AGBL1: variants seen among roughly 807,000 people sequenced by gnomAD.
The protein encoded by AGBL1 is AGBL carboxypeptidase 1, also known as cytosolic carboxypeptidase 4.
Under a neutral mutation model 118.9 loss-of-function variants are expected in AGBL1, and 130 were observed. The observed-to-expected ratio is 1.09, with a 90% CI of 0.95 to 1.26. The LOEUF is 1.26. Among genes scored for constraint, AGBL1 ranks in the 50% most tolerant of loss-of-function variants. The pLI, the probability that AGBL1 is intolerant of heterozygous loss-of-function variation, is 0.00. For synonymous variants in AGBL1, 555 were observed against 478.9 expected, an observed-to-expected ratio of 1.16 and a Z score of -2.08; for missense variants, 1,584 against 1,298.1, an observed-to-expected ratio of 1.22 and a Z score of -3.38.
At chr15:86,779,417 A>C (rs1317831997) in intron 22 of AGBL1, among the ~76,000 whole-genome samples, 2 of 152,216 alleles carry the variant, frequency 1.3e-5, no homozygotes, top group East Asian at 3.8e-4. Flanking sequence ...CATTGTGTGA[A>C]TATTATTTAT....
At chr15:86,253,153 G>A (rs893222404) in intron 7 of AGBL1, among the ~76,000 whole-genome samples, 1 of 152,166 alleles carries the variant, frequency 6.6e-6, no homozygotes, top group African/African-American at 2.4e-5. Flanking sequence ...GAGTAAGGGT[G>A]GAGGCATGAG....
At chr15:86,960,849 G>T (rs2080985635) in intron 23 of AGBL1, among the ~76,000 whole-genome samples, 1 of 152,012 alleles carries the variant, frequency 6.6e-6, no homozygotes, top group African/African-American at 2.4e-5. Flanking sequence ...AACAAACGCT[G>T]CATAATCTCA....
rs149741029 is a variant in AGBL1 at position 86,226,261 on chromosome 15, G to A, written c.526+1310G>A. 2.8e-4 allele frequency among the ~76,000 whole-genome samples: 42 copies of A among 152,226 alleles called. No individual in the cohort carries two copies. In the East Asian group the frequency reaches 6.4e-3, roughly 23 times the overall value. ...GTTCTCATTATTTATCTGCTCCCTC[G>A]GTTGCTCCCAAATGCCTGGTGTTTG... On this transcript the variant is annotated intron_variant, in intron 6 of 22. Coordinates refer to ENST00000614907, the MANE Select transcript of AGBL1 (RefSeq NM_001386094.1).
intron 15 of AGBL1, among the ~76,000 whole-genome samples, chr15:86,274,168 T>A (rs1267179081): frequency 3.3e-5 from 5 of 152,232 alleles, no homozygotes; most frequent in Admixed American, 3.3e-4. Context: ...ATAGTTTATA[T>A]CTACCTAATT....
chr15:86,361,298 T>C (rs1301934441), intron 17 of AGBL1, among the ~76,000 whole-genome samples: 1 of 152,062 alleles, frequency 6.6e-6, no homozygotes, highest in Non-Finnish European at 1.5e-5. Context: ...TTCCATTGTG[T>C]TCATAAAAGA....
intron 17 of AGBL1, among the ~76,000 whole-genome samples, chr15:86,387,505 G>C (rs539032737): frequency 6.6e-6 from 1 of 152,104 alleles, no homozygotes; most frequent in Non-Finnish European, 1.5e-5. Context: ...TTGTAGTAAC[G>C]CAGTGAAGAA....
intron 24 of AGBL1, among the ~76,000 whole-genome samples, chr15:87,014,980 A>C (rs767074296): frequency 5.9e-5 from 9 of 152,074 alleles, no homozygotes; most frequent in Non-Finnish European, 1.2e-4. Context: ...TGGTGGACTG[A>C]GTGGTGAAGA....
chr15:86,716,501 A>G (rs2086640639), intron 22 of AGBL1, among the ~76,000 whole-genome samples: 1 of 152,194 alleles, frequency 6.6e-6, no homozygotes, highest in Non-Finnish European at 1.5e-5. Context: ...ACTGCTTAAA[A>G]TTTCTACAGC....
At chr15:86,960,393 A>G (rs190509263) in intron 23 of AGBL1, among the ~76,000 whole-genome samples, 1 of 152,212 alleles carries the variant, frequency 6.6e-6, no homozygotes, top group East Asian at 1.9e-4. Flanking sequence ...AATGAGCCAA[A>G]TCCACCACTC....
intron 22 of AGBL1, among the ~76,000 whole-genome samples, chr15:86,869,409 G>T (rs1406753855): frequency 6.6e-6 from 1 of 151,920 alleles, no homozygotes; most frequent in Non-Finnish European, 1.5e-5. Flanking sequence ...TAATAATCAT[G>T]GTCATTTTCA....
At chr15:87,008,837 T>G (rs1020551626) in intron 24 of AGBL1, among the ~76,000 whole-genome samples, 1 of 152,180 alleles carries the variant, frequency 6.6e-6, no homozygotes, top group African/African-American at 2.4e-5. Flanking sequence ...CCCTAGAGAT[T>G]TGTGGAACAC....
chr15:86,768,895 A>T (rs1056116665), intron 22 of AGBL1, among the ~76,000 whole-genome samples: 2 of 152,000 alleles, frequency 1.3e-5, no homozygotes. Flanking sequence ...GAATGAGTGA[A>T]TGTTTGAAGA....
intron 18 of AGBL1, among the ~76,000 whole-genome samples, chr15:86,424,817 A>G (rs563588754): frequency 2.6e-5 from 4 of 152,364 alleles, no homozygotes; most frequent in African/African-American, 9.6e-5. Context: ...CATTAGAGAA[A>G]TGCAAATCAA....
Position 86,080,035 on chromosome 15 carries a change from T to C in AGBL1, c.51+12T>C. ...TGCACACGCTTCAGGTAGGAAAGGG[T>C]AGAGTGGGTGCAGAACCCGGCGGGC... On this transcript the variant is annotated intron_variant, in intron 1 of 22. Coordinates refer to ENST00000614907, the MANE Select transcript of AGBL1 (RefSeq NM_001386094.1). The C allele has an allele frequency of 8.1e-7, 1 of 1,231,616 alleles. No individual in the cohort carries two copies. The highest frequency in any genetic ancestry group is 1.0e-6 in the Non-Finnish European group (1 of 987,896). The allele number at this position is 1,231,616 out of a possible 1,614,324, so 76.3% of individuals were successfully genotyped here.
At chr15:86,778,533 T>G (rs959918946) in intron 22 of AGBL1, among the ~76,000 whole-genome samples, 1 of 152,158 alleles carries the variant, frequency 6.6e-6, no homozygotes, top group Non-Finnish European at 1.5e-5. Flanking sequence ...TCAGGGATGT[T>G]CCTTGCTGAG....
chr15:86,247,929 C>T, intron 7 of AGBL1, 50 bp downstream of exon 7: 13 of 1,587,756 alleles, frequency 8.2e-6, no homozygotes, highest in Non-Finnish European at 1.1e-5. Context: ...CTGGGTGATT[C>T]CTGAAGGCTG....
At chr15:86,338,577 A>G (rs1399453456) in intron 17 of AGBL1, among the ~76,000 whole-genome samples, 2 of 152,156 alleles carry the variant, frequency 1.3e-5, no homozygotes, top group East Asian at 1.9e-4. Context: ...GCATAGTGGT[A>G]ACTTTGAACA....
At chr15:86,317,545 T>C (rs548630460) in intron 17 of AGBL1, among the ~76,000 whole-genome samples, 2 of 152,272 alleles carry the variant, frequency 1.3e-5, no homozygotes, top group South Asian at 2.1e-4. Context: ...ATGAACACCA[T>C]GCACAATGAG....
At chr15:86,816,890 C>T (rs970149804) in intron 22 of AGBL1, among the ~76,000 whole-genome samples, 3 of 152,076 alleles carry the variant, frequency 2.0e-5, no homozygotes, top group African/African-American at 7.2e-5. Context: ...CCTTCACAGT[C>T]ACTGTGTAAG....
Sources: allele counts gnomAD v4.1 joint callset (sites outside exome capture counted in the v4.1 genomes callset), GRCh38; gene constraint gnomAD v4.1.1; transcripts MANE v1.5; gene names NCBI Gene and HGNC (gene_info 2026-07-23, HGNC 2026-07-21).